The following TPST1 variants were observed in gnomAD, a reference collection of about 807,000 sequenced individuals.
The protein encoded by TPST1 is protein-tyrosine sulfotransferase 1.
A neutral mutation model predicts 34.8 loss-of-function variants in TPST1; 20 were observed. The observed-to-expected ratio is 0.57, with a 90% CI of 0.40 to 0.84. The LOEUF is 0.84. TPST1 is among the 40% of genes least tolerant of loss of function. TPST1 has a pLI of 0.00. For synonymous variants in TPST1, 152 were observed against 159.4 expected (o/e 0.95, Z 0.35); for missense variants, 353 against 455.5 (o/e 0.78, Z 2.05).
At chr7:66,281,974 G>A (rs1159163827) in intron 2 of TPST1, among the ~76,000 whole-genome samples, 1 of 152,192 alleles carries the variant, frequency 6.6e-6, no homozygotes, top group African/African-American at 2.4e-5. Context: ...AGCCTGGGCA[G>A]TTGGGACTGG....
intron 3 of TPST1, among the ~76,000 whole-genome samples, chr7:66,300,108 T>G (rs1791284414): frequency 6.6e-6 from 1 of 152,184 alleles, no homozygotes; most frequent in South Asian, 2.1e-4. Context: ...CTTCAGCAAG[T>G]CATAATCATT....
intron 3 of TPST1, among the ~76,000 whole-genome samples, chr7:66,328,534 A>T (rs904194970): frequency 6.6e-6 from 1 of 151,614 alleles, no homozygotes; most frequent in Non-Finnish European, 1.5e-5. Context: ...CCCATTCACA[A>T]ATGAAATAGT....
intron 3 of TPST1, among the ~76,000 whole-genome samples, chr7:66,347,058 T>G (rs13246770): frequency 4.1e-5 from 5 of 122,442 alleles, no homozygotes; most frequent in Admixed American, 9.8e-5. Flanking sequence ...CCTTTGCTTT[T>G]CTTTTTTTTT....
intron 2 of TPST1, among the ~76,000 whole-genome samples, chr7:66,274,140 G>A (rs778252947): frequency 2.0e-5 from 3 of 151,694 alleles, no homozygotes; most frequent in African/African-American, 7.3e-5. Context: ...AGGCCGAGGT[G>A]GGTGGATCAC....
At chr7:66,326,220 TA>T (rs1164600464) in intron 3 of TPST1, among the ~76,000 whole-genome samples, 1 of 152,190 alleles carries the variant, frequency 6.6e-6, no homozygotes, top group East Asian at 1.9e-4. Context: ...ATCTAGAATA[TA>T]AAGATGATTA....
intron 4 of TPST1, among the ~76,000 whole-genome samples, chr7:66,354,114 G>A (rs868398409): frequency 7.9e-5 from 12 of 152,116 alleles, no homozygotes; most frequent in African/African-American, 2.2e-4. Context: ...CAGGAGTCAC[G>A]GGGGAAAGAA....
chr7:66,334,784 G>T (rs1471212495), intron 3 of TPST1, among the ~76,000 whole-genome samples: 1 of 152,104 alleles, frequency 6.6e-6, no homozygotes, highest in Non-Finnish European at 1.5e-5. Flanking sequence ...CCCCCAAGCT[G>T]GCATAACACC....
In TPST1 at chr7:66,267,743, T is replaced by C. The variant is rs1035530856; in HGVS notation, c.846-18768T>C. On this transcript the variant is annotated intron_variant, in intron 2 of 5. Coordinates refer to ENST00000304842, the MANE Select transcript of TPST1 (RefSeq NM_003596.4). ...ATTCATTTATTCAACAAATATTTGTTAAACTTCCATTATGTACCTAGAATC... is the reference window on the plus strand; with the variant it reads ...ATTCATTTATTCAACAAATATTTGTCAAACTTCCATTATGTACCTAGAATC... 2.0e-5 allele frequency among the ~76,000 whole-genome samples: 3 copies of C among 152,188 alleles called. No homozygotes were observed. In the South Asian group the frequency reaches 6.2e-4, roughly 31 times the overall value.
intron 3 of TPST1, among the ~76,000 whole-genome samples, chr7:66,346,013 ACTCT>A (rs1184154859): frequency 7.1e-6 from 1 of 141,376 alleles, no homozygotes; most frequent in Non-Finnish European, 1.5e-5. Context: ...CCATTGTTCT[ACTCT>A]CTATTTCCAT....
At chr7:66,333,074 AC>A (rs897149049) in intron 3 of TPST1, among the ~76,000 whole-genome samples, 1 of 152,110 alleles carries the variant, frequency 6.6e-6, no homozygotes, top group Non-Finnish European at 1.5e-5. Context: ...GGTTTTTGAA[AC>A]TTCACAAGCA....
At chr7:66,206,938 C>T (rs1789142561) in intron 1 of TPST1, among the ~76,000 whole-genome samples, 1 of 152,138 alleles carries the variant, frequency 6.6e-6, no homozygotes, top group Admixed American at 6.6e-5. Context: ...CTCTCCCTCC[C>T]CCTCTCCAAA....
intron 1 of TPST1, among the ~76,000 whole-genome samples, chr7:66,215,835 C>T (rs1016221898): frequency 1.4e-5 from 2 of 145,170 alleles, no homozygotes; most frequent in South Asian, 2.2e-4. Flanking sequence ...TGCAGTGGCA[C>T]GATCTCGGCT....
intron 3 of TPST1, among the ~76,000 whole-genome samples, chr7:66,309,328 A>C (rs1791484645): frequency 6.6e-6 from 1 of 152,270 alleles, no homozygotes; most frequent in African/African-American, 2.4e-5. Flanking sequence ...CTGATTACTC[A>C]AGCCAATATA....
chr7:66,275,659 A>G (rs116873147), intron 2 of TPST1, among the ~76,000 whole-genome samples: 3,384 of 152,300 alleles, frequency 0.022, 65 homozygotes, highest in Non-Finnish European at 0.029. Context: ...TTCTATGTAG[A>G]ACCTAAAAAA....
At chr7:66,275,679 A>G (rs1275782922) in intron 2 of TPST1, among the ~76,000 whole-genome samples, 3 of 152,224 alleles carry the variant, frequency 2.0e-5, no homozygotes, top group Admixed American at 6.5e-5. Context: ...AGTCAAATTC[A>G]TAGAAGCAAG....
At chr7:66,235,064 A>G (rs1343465107) in intron 1 of TPST1, among the ~76,000 whole-genome samples, 1 of 151,848 alleles carries the variant, frequency 6.6e-6, no homozygotes, top group Non-Finnish European at 1.5e-5. Context: ...TCTGTTTTCT[A>G]CATTATTCTC....
upstream of TPST1, among the ~76,000 whole-genome samples, chr7:66,203,699 A>T (rs1214342739): frequency 6.6e-6 from 1 of 151,468 alleles, no homozygotes; most frequent in Non-Finnish European, 1.5e-5. Context: ...GTTAACCAGG[A>T]TGGTCTCGAT....
At chr7:66,326,989 T>C (rs969146767) in intron 3 of TPST1, among the ~76,000 whole-genome samples, 4 of 152,178 alleles carry the variant, frequency 2.6e-5, no homozygotes, top group African/African-American at 4.8e-5. Flanking sequence ...TAAACATGAA[T>C]GTTATCAGCT....
chr7:66,328,908 T>TATATA (rs1791938906), intron 3 of TPST1, among the ~76,000 whole-genome samples: 1 of 44,700 alleles, frequency 2.2e-5, no homozygotes, highest in Non-Finnish European at 3.8e-5. Flanking sequence ...ATATATATAT[T>TATATA]TTTTTTTTTT....
Sources: gnomAD v4.1 joint callset for allele counts (sites outside exome capture counted in the v4.1 genomes callset) on GRCh38, gnomAD v4.1.1 for gene constraint, MANE v1.5 for transcripts, NCBI Gene and HGNC (gene_info 2026-07-23, HGNC 2026-07-21) for gene names.